Variants in CTNND2 observed in about 807,000 individuals in gnomAD.
CTNND2 encodes catenin delta-2.
In CTNND2, 22 loss-of-function variants were observed where a neutral mutation model predicts 144.4. That is an observed-to-expected ratio of 0.15 (90% CI 0.11 to 0.22). The LOEUF (loss-of-function observed/expected upper bound fraction) is 0.22. CTNND2 is among the 10% of genes least tolerant of loss of function. The pLI is 1.00. For missense variants in CTNND2, 1,353 were observed against 1,618.8 expected (o/e 0.84, Z 2.82); for synonymous variants, 751 against 695.6 (o/e 1.08, Z -1.25).
intron 2 of CTNND2, among the ~76,000 whole-genome samples, chr5:11,669,266 T>C (rs556095812): frequency 8.5e-5 from 13 of 152,338 alleles, no homozygotes; most frequent in Admixed American, 8.5e-4. Context: ...ATCAGGATGC[T>C]GCTGGCCTAT....
chr5:11,334,720 T>C (rs1239555960), intron 9 of CTNND2, among the ~76,000 whole-genome samples: 1 of 152,154 alleles, frequency 6.6e-6, no homozygotes, highest in Non-Finnish European at 1.5e-5. Flanking sequence ...ATAGATAGGG[T>C]AGATGGAGGC....
chr5:11,224,179 CCTT>C (rs1208255918), intron 10 of CTNND2, among the ~76,000 whole-genome samples: 1 of 152,170 alleles, frequency 6.6e-6, no homozygotes, highest in Non-Finnish European at 1.5e-5. Flanking sequence ...AGCAATATTG[CCTT>C]CTTATTATCT....
intron 9 of CTNND2, among the ~76,000 whole-genome samples, chr5:11,343,268 G>A (rs1040353986): frequency 3.3e-5 from 5 of 152,140 alleles, no homozygotes; most frequent in East Asian, 1.9e-4. Context: ...AAGTGGAACT[G>A]CCATGACTTC....
chr5:11,235,176 C>T (rs1201579400), intron 10 of CTNND2, among the ~76,000 whole-genome samples: 1 of 151,944 alleles, frequency 6.6e-6, no homozygotes, highest in Non-Finnish European at 1.5e-5. Context: ...TTCATGCTAA[C>T]GATGAAATGA....
intron 3 of CTNND2, among the ~76,000 whole-genome samples, chr5:11,560,280 A>T (rs1776582253): frequency 6.6e-6 from 1 of 152,208 alleles, no homozygotes; most frequent in African/African-American, 2.4e-5. Context: ...ATTTAGGAGC[A>T]GTCCATAGAT....
At chr5:11,284,402 C>T (rs1284938342) in intron 9 of CTNND2, among the ~76,000 whole-genome samples, 1 of 152,068 alleles carries the variant, frequency 6.6e-6, no homozygotes, top group Non-Finnish European at 1.5e-5. Context: ...GCTCTTTATC[C>T]TAATGCTCTC....
At chr5:11,774,826 A>C (rs1442590614) in intron 1 of CTNND2, among the ~76,000 whole-genome samples, 1 of 152,212 alleles carries the variant, frequency 6.6e-6, no homozygotes, top group Non-Finnish European at 1.5e-5. Context: ...ACATTAGTAC[A>C]GTTCAACTAA....
chr5:11,752,438 T>A (rs1482668894), intron 1 of CTNND2, among the ~76,000 whole-genome samples: 1 of 151,888 alleles, frequency 6.6e-6, no homozygotes, highest in Admixed American at 6.6e-5. Flanking sequence ...GAATAGGAAG[T>A]CTTTTTCTTA....
chr5:11,012,320 C>T (rs936472639), intron 18 of CTNND2, among the ~76,000 whole-genome samples: 1 of 152,164 alleles, frequency 6.6e-6, no homozygotes, highest in African/African-American at 2.4e-5. Context: ...AGGAAAGATA[C>T]AGACTTGGAT....
intron 2 of CTNND2, among the ~76,000 whole-genome samples, chr5:11,697,376 C>T (rs573719502): frequency 6.6e-6 from 1 of 152,286 alleles, no homozygotes; most frequent in African/African-American, 2.4e-5. Flanking sequence ...GGCATAGATA[C>T]AGACACAGTA....
At chr5:11,403,980 T>C (rs1392216565) in intron 5 of CTNND2, among the ~76,000 whole-genome samples, 1 of 152,152 alleles carries the variant, frequency 6.6e-6, no homozygotes, top group Non-Finnish European at 1.5e-5. Context: ...ATTCTAGTGG[T>C]TCTCAAAACT....
At chr5:11,680,979 G>A (rs143831084) in intron 2 of CTNND2, among the ~76,000 whole-genome samples, 1,944 of 152,252 alleles carry the variant, frequency 0.013, 31 homozygotes, top group Non-Finnish European at 0.015. Flanking sequence ...CTGGGATACA[G>A]GAGGGTGGAG....
intron 15 of CTNND2, among the ~76,000 whole-genome samples, chr5:11,094,796 A>G (rs1273118981): frequency 6.6e-6 from 1 of 152,148 alleles, no homozygotes. Context: ...TTGATTTCCG[A>G]TAAGGACAGG....
At chr5:11,650,571 T>C (rs1328776032) in intron 2 of CTNND2, among the ~76,000 whole-genome samples, 2 of 152,186 alleles carry the variant, frequency 1.3e-5, no homozygotes, top group Non-Finnish European at 1.5e-5. Flanking sequence ...TTGAACTTTC[T>C]AGAGATTTGT....
chr5:11,389,789 G>C (rs1044403484), intron 6 of CTNND2, among the ~76,000 whole-genome samples: 2 of 152,132 alleles, frequency 1.3e-5, no homozygotes, highest in Non-Finnish European at 2.9e-5. Flanking sequence ...CAAACATTTT[G>C]AGCACTGACA....
intron 16 of CTNND2, among the ~76,000 whole-genome samples, chr5:11,046,410 C>T (rs558703902): frequency 1.3e-5 from 2 of 152,282 alleles, no homozygotes; most frequent in East Asian, 3.9e-4. Flanking sequence ...CACAGCCTTC[C>T]AAGGCAATCG....
intron 1 of CTNND2, among the ~76,000 whole-genome samples, chr5:11,777,880 G>C (rs1304656228): frequency 6.6e-6 from 1 of 152,058 alleles, no homozygotes; most frequent in Non-Finnish European, 1.5e-5. Flanking sequence ...ATGTTTTTGA[G>C]AACTACTGGT....
chr5:11,238,719 A>G (rs1741905271), intron 9 of CTNND2, among the ~76,000 whole-genome samples: 1 of 152,198 alleles, frequency 6.6e-6, no homozygotes. Flanking sequence ...CACATTATAT[A>G]TATACACACA....
chr5:11,655,829 T>C (rs1782883470), intron 2 of CTNND2, among the ~76,000 whole-genome samples: 1 of 152,098 alleles, frequency 6.6e-6, no homozygotes, highest in African/African-American at 2.4e-5. Context: ...GTTTCAGTAA[T>C]TGAAATGGCT....
Sources: allele counts gnomAD v4.1 joint callset (sites outside exome capture counted in the v4.1 genomes callset), GRCh38; gene constraint gnomAD v4.1.1; transcripts MANE v1.5; gene names NCBI Gene and HGNC (gene_info 2026-07-23, HGNC 2026-07-21).